DDX10: variants seen among roughly 807,000 people sequenced by gnomAD.
DDX10 encodes the protein DEAD-box helicase 10.
DDX10 carries 74 observed loss-of-function variants against 104.3 expected under a neutral mutation model. The ratio of observed to expected loss-of-function variants is 0.71; its 90% confidence interval spans 0.59 to 0.86. The LOEUF (loss-of-function observed/expected upper bound fraction) is 0.86, where lower values mean the gene tolerates loss of function less well. DDX10 is among the 40% of genes least tolerant of loss of function. The probability of loss-of-function intolerance (pLI) is 0.00; values close to 1 mark genes in which losing one functional copy is unlikely to be tolerated. For missense variants in DDX10, 952 were observed against 1,040.0 expected (o/e 0.92, Z 1.16); for synonymous variants, 351 against 353.4 (o/e 0.99, Z 0.08).
intron 10 of DDX10, among the ~76,000 whole-genome samples, chr11:108,712,604 A>G (rs926143622): frequency 1.3e-5 from 2 of 152,132 alleles, no homozygotes; most frequent in Admixed American, 6.5e-5. Context: ...CCCTTATATC[A>G]TTGATGTCAT....
chr11:108,757,381 C>T (rs2094345738), intron 13 of DDX10, among the ~76,000 whole-genome samples: 1 of 151,864 alleles, frequency 6.6e-6, no homozygotes, highest in African/African-American at 2.4e-5. Context: ...TACTGTTAAC[C>T]ATATTTTTCT....
chr11:108,718,748 G>T (rs771846109), intron 11 of DDX10, among the ~76,000 whole-genome samples: 2 of 152,226 alleles, frequency 1.3e-5, no homozygotes, highest in Non-Finnish European at 2.9e-5. Flanking sequence ...TAGTTTCATA[G>T]AAGTGATTTT....
intron 17 of DDX10, chr11:108,929,814 G>T (rs1480600358): frequency 5.3e-5 from 8 of 152,066 alleles, no homozygotes; most frequent in African/African-American, 1.2e-4. Flanking sequence ...TGTATTGGGG[G>T]TATACTAACT....
intron 13 of DDX10, among the ~76,000 whole-genome samples, chr11:108,753,164 G>A (rs2094340684): frequency 6.6e-6 from 1 of 152,038 alleles, no homozygotes; most frequent in South Asian, 2.1e-4. Flanking sequence ...GTTTTCTACA[G>A]ATGAACTAAC....
intron 13 of DDX10, among the ~76,000 whole-genome samples, chr11:108,770,542 A>G (rs1360884771): frequency 9.0e-6 from 1 of 111,132 alleles, no homozygotes; most frequent in Admixed American, 1.3e-4. Context: ...TCTGGTAACC[A>G]TCCTTCTACT....
chr11:108,677,570 A>T (rs141118397), intron 4 of DDX10, among the ~76,000 whole-genome samples: 1 of 151,966 alleles, frequency 6.6e-6, no homozygotes, highest in Non-Finnish European at 1.5e-5. Context: ...TAAGGTATCT[A>T]TCTAAGAGGC....
chr11:108,859,929 T>C (rs1862918789), intron 16 of DDX10, among the ~76,000 whole-genome samples: 5 of 152,236 alleles, frequency 3.3e-5, no homozygotes, highest in Admixed American at 6.5e-5. Flanking sequence ...TTAGTAGTCA[T>C]TACTGGCTGT....
At chr11:108,712,800 C>T (rs535280353) in intron 10 of DDX10, among the ~76,000 whole-genome samples, 199 of 150,564 alleles carry the variant, frequency 1.3e-3, no homozygotes, top group Non-Finnish European at 2.3e-3. Flanking sequence ...GAGTTTCTCA[C>T]TTACGTTTTT....
rs986010499 is a variant in DDX10 at position 108,940,840 on chromosome 11, A to G, written c.*417A>G. ...TGATTTCGACGTATTTAATATTTTC[A>G]AAGAGACTATGATGGACCAGCCCTG... On this transcript the variant is annotated 3_prime_UTR_variant, in exon 18 of 18. Coordinates refer to ENST00000322536, the MANE Select transcript of DDX10 (RefSeq NM_004398.4). 4.6e-6 allele frequency: 1 copy of G among 218,786 alleles called. No homozygotes were observed. Among genetic ancestry groups the G allele is most frequent in the African/African-American group, 2.2e-5 (1 of 44,536 alleles). 13.6% of individuals were successfully genotyped at this position (218,786 alleles called of 1,614,324 possible).
intron 13 of DDX10, among the ~76,000 whole-genome samples, chr11:108,758,299 A>T (rs933956465): frequency 6.6e-6 from 1 of 152,126 alleles, no homozygotes; most frequent in African/African-American, 2.4e-5. Flanking sequence ...ATCTCAGTCT[A>T]TAAGAGATCT....
At chr11:108,756,239 T>C (rs977945639) in intron 13 of DDX10, among the ~76,000 whole-genome samples, 1 of 152,090 alleles carries the variant, frequency 6.6e-6, no homozygotes, top group African/African-American at 2.4e-5. Flanking sequence ...TTTAGTGAAA[T>C]TCAACTTGAG....
intron 13 of DDX10, among the ~76,000 whole-genome samples, chr11:108,750,200 T>C (rs2094336614): frequency 6.6e-6 from 1 of 152,172 alleles, no homozygotes; most frequent in Non-Finnish European, 1.5e-5. Context: ...GTTTTCTTCT[T>C]TGGGAAACAA....
At position 108,940,377 on chromosome 11, in the gene DDX10, C is replaced by G; in HGVS notation, c.2582C>G (p.Ala861Gly). The G allele has an allele frequency of 1.2e-6, 2 of 1,613,970 alleles. No individual in the cohort carries two copies. Among genetic ancestry groups the G allele is most frequent in the Non-Finnish European group, 1.7e-6 (2 of 1,179,998 alleles). ...LEPLDTGLSL[A>G]EDEELVLHLL... ...CCTTTGGATACCGGCCTGTCTTTAG[C>G]AGAGGATGAAGAGCTGGTGTTACAT... The change falls in exon 18 of 18, where the codon GCA (alanine) becomes GGA (glycine). Residue 861 changes from alanine (A) to glycine (G), a missense_variant. Ala to Gly is a moderately conservative substitution (Grantham distance 60, BLOSUM62 0). This residue lies in a region of DDX10 where 533 missense variants were observed against 534.1 expected (regional missense o/e 1.00). Coordinates refer to ENST00000322536, the MANE Select transcript of DDX10 (RefSeq NM_004398.4).
chr11:108,849,337 G>C (rs1317529063), intron 15 of DDX10, among the ~76,000 whole-genome samples: 1 of 152,068 alleles, frequency 6.6e-6, no homozygotes, highest in Non-Finnish European at 1.5e-5. Context: ...TGACACAGTT[G>C]CCTGAGAATC....
intron 14 of DDX10, 58 bp downstream of exon 14, chr11:108,838,623 ACT>A (rs1862594108): frequency 6.6e-7 from 1 of 1,519,394 alleles, no homozygotes; most frequent in South Asian, 1.3e-5. Context: ...GAAGAGATCG[ACT>A]CTCTCTTACT....
chr11:108,690,810 G>A, intron 7 of DDX10: 2 of 221,178 alleles, frequency 9.0e-6, no homozygotes, highest in Non-Finnish European at 1.8e-5. Flanking sequence ...TCACCAAGCA[G>A]CACAGCTTTG....
intron 13 of DDX10, among the ~76,000 whole-genome samples, chr11:108,790,853 T>C (rs866988018): frequency 2.0e-5 from 3 of 152,286 alleles, no homozygotes; most frequent in African/African-American, 2.4e-5. Flanking sequence ...CCAACAGTGC[T>C]TCTGGAGTTA....
chr11:108,897,331 G>A (rs1413140403), intron 16 of DDX10, among the ~76,000 whole-genome samples: 1 of 152,170 alleles, frequency 6.6e-6, no homozygotes, highest in African/African-American at 2.4e-5. Context: ...ACAACTGTGT[G>A]CCCCATGGAT....
chr11:108,675,785 C>A (rs1284493610), intron 3 of DDX10, 59 bp downstream of exon 3: 1 of 1,576,384 alleles, frequency 6.3e-7, no homozygotes, highest in South Asian at 1.1e-5. Context: ...CATTCTGTGC[C>A]CAGATGCAGA....
Sources: allele counts gnomAD v4.1 joint callset (sites outside exome capture counted in the v4.1 genomes callset), GRCh38; gene constraint gnomAD v4.1.1; regional missense constraint gnomAD v4.1.1; transcripts MANE v1.5; gene names NCBI Gene and HGNC (gene_info 2026-07-23, HGNC 2026-07-21).